The following CADM2 variants were observed in gnomAD, a reference collection of about 807,000 sequenced individuals.
CADM2 encodes immunoglobulin superfamily member 4D.
A neutral mutation model predicts 49.8 loss-of-function variants in CADM2; 12 were observed. That is an observed-to-expected ratio of 0.24 (90% CI 0.15 to 0.39). The LOEUF (loss-of-function observed/expected upper bound fraction) is 0.39, where lower values mean the gene tolerates loss of function less well. Among genes scored for constraint, CADM2 ranks in the 10% least tolerant of loss-of-function variants. The pLI is 1.00. For synonymous variants in CADM2, 214 were observed against 175.4 expected (o/e 1.22, Z -1.74); for missense variants, 378 against 492.3 (o/e 0.77, Z 2.20).
chr3:85,017,923 G>A (rs17022294), intron 1 of CADM2, among the ~76,000 whole-genome samples: 8,867 of 152,194 alleles, frequency 0.058, 642 homozygotes, highest in East Asian at 0.37. Context: ...TACCACTTAA[G>A]AGTAAGAAAA....
chr3:85,694,318 C>T (rs2066483836), intron 1 of CADM2, among the ~76,000 whole-genome samples: 1 of 152,112 alleles, frequency 6.6e-6, no homozygotes, highest in Admixed American at 6.5e-5. Context: ...GGATGGGAGC[C>T]TAATGGAATA....
intron 1 of CADM2, among the ~76,000 whole-genome samples, chr3:85,116,563 T>C (rs1261487264): frequency 6.6e-6 from 1 of 152,218 alleles, no homozygotes; most frequent in Admixed American, 6.5e-5. Flanking sequence ...TTTGATTATA[T>C]CAAACTTCTA....
chr3:85,387,203 G>C (rs2034278843), intron 1 of CADM2, among the ~76,000 whole-genome samples: 1 of 152,060 alleles, frequency 6.6e-6, no homozygotes, highest in Non-Finnish European at 1.5e-5. Flanking sequence ...ATTTAGTGTA[G>C]GTGTTTGGAA....
chr3:85,351,754 T>C (rs1344124712), intron 1 of CADM2, among the ~76,000 whole-genome samples: 1 of 152,164 alleles, frequency 6.6e-6, no homozygotes, highest in Non-Finnish European at 1.5e-5. Context: ...TGTCTATATT[T>C]GAATAGTGTC....
chr3:85,543,420 A>ATGTGTGTGGG (rs372108050), intron 1 of CADM2, among the ~76,000 whole-genome samples: 6 of 129,642 alleles, frequency 4.6e-5, no homozygotes, highest in East Asian at 2.7e-4. Flanking sequence ...TGCCAAGCTA[A>ATGTGTGTGGG]TGTGTGTGTG....
intron 1 of CADM2, among the ~76,000 whole-genome samples, chr3:85,265,348 AG>A (rs148639112): frequency 0.066 from 10,054 of 152,002 alleles, 1,091 homozygotes; most frequent in African/African-American, 0.23. Flanking sequence ...AATACCACAA[AG>A]AGTAATTTAT....
intron 2 of CADM2, among the ~76,000 whole-genome samples, chr3:85,772,890 T>G (rs1010698318): frequency 6.6e-6 from 1 of 151,890 alleles, no homozygotes; most frequent in Non-Finnish European, 1.5e-5. Context: ...CCAGTTTTTT[T>G]TTTTTTCTTT....
At chr3:85,187,027 A>G (rs140896246) in intron 1 of CADM2, among the ~76,000 whole-genome samples, 354 of 152,304 alleles carry the variant, frequency 2.3e-3, no homozygotes, top group African/African-American at 8.0e-3. Flanking sequence ...ATTATACCTC[A>G]GGCACTGGAC....
rs1739725209 is a variant in CADM2, at chr3:86,070,091, T to A, written c.*3308T>A. 1 of 151,996 alleles carries A rather than the reference T, an allele frequency of 6.6e-6. No individual in the cohort carries two copies. The highest frequency in any genetic ancestry group is 6.6e-5 in the Admixed American group (1 of 15,248). 9.4% of individuals were successfully genotyped at this position (151,996 alleles called of 1,614,324 possible). A position where few individuals can be genotyped will look rare whatever the true frequency, so the allele number is the denominator to read the frequency against. On this transcript the variant is annotated 3_prime_UTR_variant, in exon 10 of 10. Transcript: ENST00000383699. ...AGGAACCTGATATTGGAGTTTAATC[T>A]AGAAACTGGATGATCTCATATTGAT...
chr3:85,673,014 GT>G (rs1204288258), intron 1 of CADM2, among the ~76,000 whole-genome samples: 2 of 152,166 alleles, frequency 1.3e-5, no homozygotes, highest in Non-Finnish European at 2.9e-5. Context: ...TTGCCTGTCT[GT>G]TTATCAAACC....
chr3:85,870,911 T>A (rs1333376321), intron 3 of CADM2, among the ~76,000 whole-genome samples: 1 of 152,142 alleles, frequency 6.6e-6, no homozygotes, highest in Non-Finnish European at 1.5e-5. Flanking sequence ...ATTAAAGGCT[T>A]AAATGTAAAA....
chr3:85,599,695 AT>A (rs200608133), intron 1 of CADM2, among the ~76,000 whole-genome samples: 2 of 99,682 alleles, frequency 2.0e-5, no homozygotes, highest in South Asian at 3.4e-4. Flanking sequence ...AAATTAAAAA[AT>A]TATGTCAAAT....
chr3:85,656,280 C>T (rs1191236285), intron 1 of CADM2, among the ~76,000 whole-genome samples: 2 of 151,892 alleles, frequency 1.3e-5, no homozygotes, highest in Non-Finnish European at 2.9e-5. Context: ...ATCAATTTAT[C>T]TAGAAATTAT....
At chr3:85,347,538 C>CAT (rs902705458) in intron 1 of CADM2, among the ~76,000 whole-genome samples, 36 of 145,230 alleles carry the variant, frequency 2.5e-4, no homozygotes, top group African/African-American at 8.8e-4. Context: ...TGTATACACA[C>CAT]ATATATAAAT....
chr3:85,653,064 C>T (rs951172026), intron 1 of CADM2, among the ~76,000 whole-genome samples: 2 of 151,646 alleles, frequency 1.3e-5, no homozygotes, highest in South Asian at 4.2e-4. Flanking sequence ...TGAGCCACCG[C>T]ACCTGGCCTA....
At chr3:85,673,560 A>C (rs1328876870) in intron 1 of CADM2, among the ~76,000 whole-genome samples, 5 of 151,912 alleles carry the variant, frequency 3.3e-5, no homozygotes, top group Admixed American at 2.6e-4. Flanking sequence ...ACCTAAAAAA[A>C]CACCAATTCT....
intron 1 of CADM2, among the ~76,000 whole-genome samples, chr3:84,999,393 C>T (rs1576003060): frequency 6.6e-6 from 1 of 152,086 alleles, no homozygotes; most frequent in African/African-American, 2.4e-5. Context: ...GAACTCATGC[C>T]GACAGAGGTG....
intron 1 of CADM2, among the ~76,000 whole-genome samples, chr3:85,229,732 C>A (rs1014866527): frequency 7.9e-5 from 12 of 152,088 alleles, no homozygotes; most frequent in African/African-American, 2.7e-4. Context: ...GGGGCAGATA[C>A]CCTAGCAAAA....
In CADM2 at chr3:85,737,124, T is replaced by C. The variant is rs916136108; in HGVS notation, c.88+10576T>C. ...ACCTAGAATGACAGTCCTGATCTTG[T>C]CCTCATGTTAGCCCACAGGAAAGTA... On this transcript the variant is annotated intron_variant, in intron 2 of 9. Transcript: ENST00000383699. Among the ~76,000 whole-genome samples, 26 of 152,198 alleles carry C rather than the reference T, an allele frequency of 1.7e-4. 1 individual carries two copies. Among genetic ancestry groups the C allele is most frequent in the African/African-American group, 6.3e-4 (26 of 41,460 alleles).
Sources: gnomAD v4.1 joint callset for allele counts (sites outside exome capture counted in the v4.1 genomes callset) on GRCh38, gnomAD v4.1.1 for gene constraint, MANE v1.5 for transcripts, NCBI Gene and HGNC (gene_info 2026-07-23, HGNC 2026-07-21) for gene names.